Variants in CWF19L2 observed in about 807,000 individuals in gnomAD.
CWF19L2 encodes the protein CWF19 like cell cycle control factor 2.
Under a neutral mutation model 111.7 loss-of-function variants are expected in CWF19L2, and 98 were observed. The ratio of observed to expected loss-of-function variants is 0.88; its 90% CI spans 0.75 to 1.04. The LOEUF (loss-of-function observed/expected upper bound fraction) is 1.04. CWF19L2 is among the 50% of genes least tolerant of loss of function. CWF19L2 has a pLI of 0.00. For missense variants in CWF19L2, 1,101 were observed against 1,051.4 expected (o/e 1.05, Z -0.65); for synonymous variants, 351 against 342.9 (o/e 1.02, Z -0.26).
intron 12 of CWF19L2, among the ~76,000 whole-genome samples, chr11:107,362,374 CACAA>C (rs1304296820): frequency 6.6e-6 from 1 of 151,876 alleles, no homozygotes; most frequent in African/African-American, 2.4e-5. Flanking sequence ...GGGGGCAGGG[CACAA>C]ACAAACAAAA....
intron 8 of CWF19L2, among the ~76,000 whole-genome samples, chr11:107,421,498 T>G (rs890973438): frequency 6.6e-6 from 1 of 152,010 alleles, no homozygotes; most frequent in African/African-American, 2.4e-5. Flanking sequence ...GCCTGCCTGA[T>G]AAAAAAGAGA....
intron 12 of CWF19L2, among the ~76,000 whole-genome samples, chr11:107,365,037 T>C (rs1383659746): frequency 8.7e-6 from 1 of 114,532 alleles, no homozygotes; most frequent in Non-Finnish European, 1.7e-5. Context: ...CAGAGAATAC[T>C]ACAAACACCT....
intron 12 of CWF19L2, among the ~76,000 whole-genome samples, chr11:107,362,515 C>T (rs1032707725): frequency 4.5e-4 from 68 of 152,208 alleles, no homozygotes; most frequent in African/African-American, 1.5e-3. Context: ...GGTCCCTGAC[C>T]CCTGACCCCC....
intron 12 of CWF19L2, among the ~76,000 whole-genome samples, chr11:107,354,388 T>C (rs1860204770): frequency 6.6e-6 from 1 of 152,172 alleles, no homozygotes. Context: ...GTGTATAACC[T>C]TGAACATATT....
chr11:107,388,386 C>CA (rs1411536811), intron 12 of CWF19L2, among the ~76,000 whole-genome samples: 1 of 151,250 alleles, frequency 6.6e-6, no homozygotes, highest in East Asian at 2.0e-4. Flanking sequence ...AATGGCTATA[C>CA]AATTTTTTTT....
At position 107,372,830 on chromosome 11, in the gene CWF19L2, C is replaced by T. The variant is rs143985821; in HGVS notation, c.1872+17244G>A. On this transcript the variant is annotated intron_variant, in intron 12 of 17. Transcript: ENST00000282251. ...CTCCCAGCGTGAGCGACGCAGAAGA[C>T]GGGTGATTTGTGCATTTCCATCTGA... Among the ~76,000 whole-genome samples, 12 of 130,776 alleles carry T rather than the reference C, an allele frequency of 9.2e-5. 2 individuals are homozygous for T. The highest frequency in any genetic ancestry group is 3.0e-4 in the Admixed American group (4 of 13,450). The allele number at this position is 130,776 out of a possible 152,430, so 85.8% of individuals were successfully genotyped here. A position where few individuals can be genotyped will look rare whatever the true frequency, so the allele number is the denominator to read the frequency against.
chr11:107,387,463 AAAACAAAAAAC>A (rs796454631), intron 12 of CWF19L2, among the ~76,000 whole-genome samples: 790 of 72,508 alleles, frequency 0.011, 7 homozygotes, highest in African/African-American at 0.047. Flanking sequence ...AAAACAAAAC[AAAACAAAAAAC>A]AAAAAAAACC....
intron 14 of CWF19L2, among the ~76,000 whole-genome samples, chr11:107,337,808 ATT>A (rs545763422): frequency 2.7e-3 from 405 of 152,264 alleles, no homozygotes; most frequent in Non-Finnish European, 4.6e-3. Flanking sequence ...TTTTATTTAG[ATT>A]TGTCAGCTTG....
At chr11:107,421,140 C>A (rs1861297815) in intron 8 of CWF19L2, among the ~76,000 whole-genome samples, 1 of 152,040 alleles carries the variant, frequency 6.6e-6, no homozygotes, top group Admixed American at 6.6e-5. Flanking sequence ...TAACAAAAGT[C>A]TCTGGAAAAT....
At chr11:107,415,776 CAT>C (rs1861216457) in intron 10 of CWF19L2, among the ~76,000 whole-genome samples, 1 of 152,124 alleles carries the variant, frequency 6.6e-6, no homozygotes, top group African/African-American at 2.4e-5. Flanking sequence ...CACACAGACA[CAT>C]ATACAGACAC....
chr11:107,403,585 C>T lies in CWF19L2; in HGVS notation c.1618-10690G>A, dbSNP rs1396116170. 5 of 785,788 alleles carry T rather than the reference C, an allele frequency of 6.4e-6. 1 individual carries two copies. The highest frequency in any genetic ancestry group is 5.4e-5 in the South Asian group (4 of 74,732). The allele number at this position is 785,788 out of a possible 1,614,324, so 48.7% of individuals were successfully genotyped here. A position where few individuals can be genotyped will look rare whatever the true frequency, so the allele number is the denominator to read the frequency against. On this transcript the variant is annotated intron_variant, in intron 10 of 17. Coordinates refer to ENST00000282251, the MANE Select transcript of CWF19L2 (RefSeq NM_152434.3). ...CTTCACCATTCTGTTGACTCTCTGT[C>T]GTTTCTTCAAGGTGTGTCTTCTCTG...
chr11:107,353,595 T>C lies in CWF19L2; in HGVS notation c.2014A>G (p.Met672Val). The C allele has an allele frequency of 6.2e-7, 1 of 1,613,816 alleles. No individual in the cohort carries two copies. Among genetic ancestry groups the C allele is most frequent in the Non-Finnish European group, 8.5e-7 (1 of 1,179,764 alleles). Residue 672 changes from methionine to valine, a missense_variant, in exon 13 of 18, where the codon ATG becomes GTG. Physicochemically the swap from Met to Val is conservative, Grantham distance 21. Transcript: ENST00000282251. ...TCAAAACAATACAGACATTTTTCCA[T>C]TTGTGCAGCAAGACTCCGATGCTCA... ...IAEHRSLAAQ[M>V]EKCLYCFDSS... is the part of the protein sequence containing the mutation.
intron 12 of CWF19L2, among the ~76,000 whole-genome samples, chr11:107,378,867 C>T (rs998355770): frequency 1.3e-5 from 2 of 151,722 alleles, no homozygotes; most frequent in Non-Finnish European, 2.9e-5. Context: ...AAGATAGCAT[C>T]GATAGTGTGA....
intron 9 of CWF19L2, among the ~76,000 whole-genome samples, chr11:107,417,788 G>A (rs1023934296): frequency 6.7e-6 from 1 of 148,640 alleles, no homozygotes; most frequent in East Asian, 2.0e-4. Context: ...ACACAGTCTC[G>A]CTTCGTCACC....
At chr11:107,331,741 C>G (rs947975495) in intron 16 of CWF19L2, among the ~76,000 whole-genome samples, 2 of 152,208 alleles carry the variant, frequency 1.3e-5, no homozygotes, top group Non-Finnish European at 2.9e-5. Context: ...CATGCCAAGG[C>G]TCAACAACCT....
intron 7 of CWF19L2, among the ~76,000 whole-genome samples, chr11:107,430,223 A>AG (rs1398720717): frequency 6.6e-6 from 1 of 151,788 alleles, no homozygotes; most frequent in Non-Finnish European, 1.5e-5. Flanking sequence ...AAAAAAAAAA[A>AG]CCTTTACAAG....
chr11:107,357,240 G>A (rs1303973914), intron 12 of CWF19L2, among the ~76,000 whole-genome samples: 3 of 152,098 alleles, frequency 2.0e-5, no homozygotes, highest in African/African-American at 7.2e-5. Flanking sequence ...CACAGAAAGG[G>A]CATACTGTGA....
In CWF19L2 at chr11:107,428,970, C is replaced by A. The variant is rs765980805; in HGVS notation, c.1262G>T (p.Arg421Leu). ...TTTCTTGTCTCCTCTCCCATCAGAG[C>A]GACTCCATGATGTTAATCTTTCTTC... ...NSEERLTSWS[R>L]SDGRGDKKHS... is the part of the protein sequence containing the mutation. Residue 421 changes from arginine to leucine, a missense_variant, in exon 8 of 18, where the codon CGC becomes CTC. Arg to Leu is a moderately radical substitution (Grantham distance 102). Coordinates refer to ENST00000282251, the MANE Select transcript of CWF19L2 (RefSeq NM_152434.3). 9.3e-6 allele frequency: 15 copies of A among 1,613,470 alleles called. No homozygotes were observed. In the Admixed American group the frequency reaches 2.5e-4, roughly 27 times the overall value.
At chr11:107,394,848 G>A (rs1031965679) in intron 10 of CWF19L2, among the ~76,000 whole-genome samples, 22 of 152,066 alleles carry the variant, frequency 1.4e-4, no homozygotes, top group African/African-American at 5.1e-4. Flanking sequence ...AAAATTCACC[G>A]TGTTAAAAAC....
Sources: allele counts gnomAD v4.1 joint callset (sites outside exome capture counted in the v4.1 genomes callset), GRCh38; gene constraint gnomAD v4.1.1; transcripts MANE v1.5; gene names NCBI Gene and HGNC (gene_info 2026-07-23, HGNC 2026-07-21).